The following ZAN variants were observed in gnomAD, a reference collection of about 807,000 sequenced individuals.
The protein encoded by ZAN is zonadhesin (gene/pseudogene).
ZAN carries 260 observed loss-of-function variants against 286.2 expected under a neutral mutation model. The ratio of observed to expected loss-of-function variants is 0.91; its 90% CI spans 0.82 to 1.01. ZAN has a LOEUF of 1.01. ZAN is among the 50% of genes least tolerant of loss of function. The pLI is 0.00. For missense variants in ZAN, 3,410 were observed against 3,639.2 expected, an observed-to-expected ratio of 0.94 and a Z score of 1.62; for synonymous variants, 1,368 against 1,417.5, an observed-to-expected ratio of 0.97 and a Z score of 0.79.
chr7:100,739,838 A>G (rs1341672917), intron 7 of ZAN, among the ~76,000 whole-genome samples: 1 of 137,470 alleles, frequency 7.3e-6, no homozygotes, highest in African/African-American at 2.7e-5. Flanking sequence ...TTGTGTTTTT[A>G]GTAGAGACGG....
In ZAN at chr7:100,763,715, G is replaced by A; in HGVS notation, c.3987-91G>A. ...TCCCAGCTGACAGGCTGGTTTGCCG[G>A]TCCCGGCCTGCCAGCCTTGCTGCCT... is the stretch of plus-strand genomic sequence containing the variant. On this transcript the variant is annotated intron_variant, in intron 20 of 47. Transcript: ENST00000613979. This position sits in a 1 kb window ranked among gnomAD's most constrained non-coding sequence, Gnocchi z 4.6. 1 of 1,353,980 alleles carries A rather than the reference G, an allele frequency of 7.4e-7. No individual in the cohort carries two copies. Among genetic ancestry groups the A allele is most frequent in the Non-Finnish European group, 1.1e-6 (1 of 948,586 alleles). The allele number at this position is 1,353,980 out of a possible 1,614,324, so 83.9% of individuals were successfully genotyped here. A position where few individuals can be genotyped will look rare whatever the true frequency, so the allele number is the denominator to read the frequency against.
Position 100,764,152 on chromosome 7 carries a change from A to G in ZAN, c.4223A>G (p.Asp1408Gly). ...TCCACCATGACCACCACCTGCCAGG[A>G]CGCAGGCCACGCTGTGAAGCCCTGG... is the stretch of plus-strand genomic sequence containing the variant. The part of the protein sequence containing the change: ...HMSTMTTTCQ[D>G]AGHAVKPWRE... The change falls in exon 22 of 48, where the codon GAC (aspartate) becomes GGC (glycine). Residue 1408 changes from aspartate to glycine, a missense_variant. Transcript: ENST00000613979. The G allele has an allele frequency of 6.2e-7, 1 of 1,606,206 alleles. No homozygotes were observed. Among genetic ancestry groups the G allele is most frequent in the Middle Eastern group, 1.7e-4 (1 of 6,022 alleles).
Position 100,773,736 on chromosome 7 carries a change from T to TA in ZAN, c.5651dup (p.Tyr1884Ter). The TA allele has an allele frequency of 6.2e-7, 1 of 1,610,652 alleles. No homozygotes were observed. Among genetic ancestry groups the TA allele is most frequent in the Non-Finnish European group, 8.5e-7 (1 of 1,178,382 alleles). The change falls in exon 31 of 48, where the codon TAC (tyrosine) becomes TAAC (stop). Residue 1884 changes from tyrosine (Y) to a stop codon, truncating the protein, a stop_gained and frameshift_variant. Coordinates refer to ENST00000613979, the MANE Select transcript of ZAN (RefSeq NM_003386.3). LOFTEE classifies it high-confidence loss of function. ...TGGCCCACAGGTCGGGGAGCGCTGG[T>TA]ACACAGAGAACACCTGCACCAGGCT... ...GSYHPVGERW[Y>*]TENTCTRLCT...
chr7:100,771,341 G>A (rs1810351738), intron 28 of ZAN, among the ~76,000 whole-genome samples: 1 of 152,108 alleles, frequency 6.6e-6, no homozygotes, highest in Non-Finnish European at 1.5e-5. Context: ...TGAGTAGCTG[G>A]GACTACAGGT....
At chr7:100,739,099 C>T (rs553863764) in intron 7 of ZAN, among the ~76,000 whole-genome samples, 1 of 132,402 alleles carries the variant, frequency 7.6e-6, no homozygotes, top group South Asian at 2.4e-4. Flanking sequence ...GCAACCTCTG[C>T]CTCCTGGGTT....
intron 44 of ZAN, 82 bp from the exon 45 acceptor site, chr7:100,795,114 G>A (rs113279831): frequency 4.4e-5 from 65 of 1,488,986 alleles, no homozygotes; most frequent in African/African-American, 3.8e-4. Flanking sequence ...CTCCCCGGGC[G>A]TCCCAGCCCC....
chr7:100,753,138 G>C lies in ZAN; in HGVS notation c.3033G>C (p.Gly1011=). The C allele has an allele frequency of 6.2e-7, 1 of 1,613,880 alleles. No individual in the cohort carries two copies. Among genetic ancestry groups the C allele is most frequent in the South Asian group, 1.1e-5 (1 of 91,082 alleles). The change falls in exon 14 of 48, where the codon GGG becomes GGC. Residue 1011 remains glycine (G), a synonymous_variant. Coordinates refer to ENST00000613979, the MANE Select transcript of ZAN (RefSeq NM_003386.3). ...RPPHPSPTAT[G]LAALVMSPHA... is the part of the protein sequence containing the mutation. Reference sequence around the variant, plus strand: ...CCCATCCCAGCCCCACAGCCACTGGGCTGGCAGCCTTGGTGATGTCTCCAC... The same window carrying C: ...CCCATCCCAGCCCCACAGCCACTGGCCTGGCAGCCTTGGTGATGTCTCCAC...
intron 33 of ZAN, 84 bp from the exon 34 acceptor site, chr7:100,776,356 T>A: frequency 6.8e-7 from 1 of 1,463,636 alleles, no homozygotes; most frequent in Non-Finnish European, 9.1e-7. Flanking sequence ...AAAACTGCTC[T>A]CGTGAGGGAA....
At chr7:100,787,366 T>C (rs1268428773) in intron 37 of ZAN, among the ~76,000 whole-genome samples, 1 of 152,010 alleles carries the variant, frequency 6.6e-6, no homozygotes, top group Non-Finnish European at 1.5e-5. Context: ...CAGTGAGCTA[T>C]GATCGTACCA....
intron 22 of ZAN, among the ~76,000 whole-genome samples, chr7:100,764,727 A>T (rs1198068097): frequency 6.6e-6 from 1 of 150,856 alleles, no homozygotes; most frequent in Non-Finnish European, 1.5e-5. Flanking sequence ...AATATACAAA[A>T]ATTAGCTGTG....
chr7:100,751,693 T>C lies in ZAN; in HGVS notation c.1607-19T>C. On this transcript the variant is annotated intron_variant, in intron 13 of 47. Transcript: ENST00000613979. ...TATGGTTTTGACTAAACTCCAGGGA[T>C]TCTTATTTTTCTTTGCAGTAAAAGT... is the stretch of plus-strand genomic sequence containing the variant. The C allele has an allele frequency of 6.4e-7, 1 of 1,563,596 alleles. No homozygotes were observed. The highest frequency in any genetic ancestry group is 8.6e-7 in the Non-Finnish European group (1 of 1,161,920).
chr7:100,788,110 C>A lies in ZAN; in HGVS notation c.7201C>A (p.Gln2401Lys). The change falls in exon 38 of 48, where the codon CAG (glutamine) becomes AAG (lysine). Residue 2401 changes from glutamine to lysine, a missense_variant. Coordinates refer to ENST00000613979, the MANE Select transcript of ZAN (RefSeq NM_003386.3). ...VITTVYGYKVQLQAGLELVVN... is the reference protein window; with the variant it reads ...VITTVYGYKVKLQAGLELVVN... ...TACCACCGTCTACGGCTATAAAGTGCAGCTCCAAGCTGGTCTGGAGCTTGT... is the reference window on the plus strand; with the variant it reads ...TACCACCGTCTACGGCTATAAAGTGAAGCTCCAAGCTGGTCTGGAGCTTGT... 1 of 1,531,914 alleles carries A rather than the reference C, an allele frequency of 6.5e-7. No individual in the cohort carries two copies. Among genetic ancestry groups the A allele is most frequent in the Non-Finnish European group, 8.9e-7 (1 of 1,127,686 alleles). The allele number at this position is 1,531,914 out of a possible 1,614,324, so 94.9% of individuals were successfully genotyped here. A position where few individuals can be genotyped will look rare whatever the true frequency, so the allele number is the denominator to read the frequency against.
intron 35 of ZAN, among the ~76,000 whole-genome samples, chr7:100,784,281 C>A (rs1351845943): frequency 1.3e-5 from 2 of 151,778 alleles, no homozygotes; most frequent in African/African-American, 4.8e-5. Flanking sequence ...AGGCGCCCAC[C>A]ACCACGCTTG....
At position 100,768,559 on chromosome 7, in the gene ZAN, T is replaced by TGGCCTGCTGGGGGGCCC; in HGVS notation, c.5042-50_5042-34dup. On this transcript the variant is annotated intron_variant, in intron 26 of 47. Coordinates refer to ENST00000613979, the MANE Select transcript of ZAN (RefSeq NM_003386.3). Reference sequence around the variant, plus strand: ...CCAGGAGGATGGTGGCCCTGGGGCCTGGCCTGCTGGGGGGCCCCTTCTTGC... The same window carrying TGGCCTGCTGGGGGGCCC: ...CCAGGAGGATGGTGGCCCTGGGGCCTGGCCTGCTGGGGGGCCCGGCCTGCTGGGGGGCCCCTTCTTGC... 2.7e-6 allele frequency: 4 copies of TGGCCTGCTGGGGGGCCC among 1,490,194 alleles called. No individual in the cohort carries two copies. The East Asian group carries it at 7.3e-5, about 27-fold the overall frequency. The allele number at this position is 1,490,194 out of a possible 1,614,324, so 92.3% of individuals were successfully genotyped here.
At chr7:100,790,225 C>T (rs1276169409) in intron 39 of ZAN, among the ~76,000 whole-genome samples, 2 of 152,064 alleles carry the variant, frequency 1.3e-5, no homozygotes, top group Non-Finnish European at 2.9e-5. Flanking sequence ...GATTGAGCCA[C>T]TGTACTCCAG....
Position 100,787,878 on chromosome 7 carries a change from C to T in ZAN, c.6980-11C>T. 2 of 1,491,952 alleles carry T rather than the reference C, an allele frequency of 1.3e-6. No individual in the cohort carries two copies. The highest frequency in any genetic ancestry group is 1.8e-6 in the Non-Finnish European group (2 of 1,099,048). The allele number at this position is 1,491,952 out of a possible 1,614,324, so 92.4% of individuals were successfully genotyped here. ...CGCCCGGCCCCTTCTCACTGTCTGA[C>T]TTCTTGGCAGAGTCTGAACAATGCT... On this transcript the variant is annotated splice_polypyrimidine_tract_variant and intron_variant, in intron 37 of 47. Transcript: ENST00000613979.
intron 45 of ZAN, among the ~76,000 whole-genome samples, chr7:100,796,037 G>A (rs1157406383): frequency 3.3e-5 from 5 of 152,008 alleles, no homozygotes; most frequent in Admixed American, 6.6e-5. Context: ...CTAAGATCAC[G>A]CTACTGCGCT....
In ZAN at chr7:100,767,183, G is replaced by T. The variant is rs1435498879; in HGVS notation, c.4786G>T (p.Val1596Phe). 2 of 1,613,704 alleles carry T rather than the reference G, an allele frequency of 1.2e-6. No homozygotes were observed. The highest frequency in any genetic ancestry group is 4.5e-5 in the East Asian group (2 of 44,854). Residue 1596 changes from valine (V) to phenylalanine (F), a missense_variant, in exon 25 of 48, where the codon GTC becomes TTC. Physicochemically the swap from Val to Phe is conservative, Grantham distance 50. Around this residue, in one of 7 missense-constraint regions of ZAN, gnomAD observed 1,042 missense variants for 1,058.0 expected, o/e 0.98. Transcript: ENST00000613979. ...TNENRGGILE[V>F]SYIKAVHVTV... ...CGAGAACCGCGGGGGGATCCTGGAG[G>T]TCTCCTACATCAAAGCCGTCCACGT...
chr7:100,735,684 G>A (rs1584539427), intron 2 of ZAN, 36 bp from the exon 3 acceptor site: 3 of 1,425,982 alleles, frequency 2.1e-6, no homozygotes, highest in Non-Finnish European at 2.9e-6. Flanking sequence ...ATAATGACAC[G>A]AGTTGCATTT....
Sources: allele counts gnomAD v4.1 joint callset (sites outside exome capture counted in the v4.1 genomes callset), GRCh38; gene constraint gnomAD v4.1.1; regional missense constraint gnomAD v4.1.1; non-coding constraint Gnocchi (gnomAD v3.1); transcripts MANE v1.5; gene names NCBI Gene and HGNC (gene_info 2026-07-23, HGNC 2026-07-21).